The following UNC13B variants were observed in gnomAD, a reference collection of about 807,000 sequenced individuals.
The protein encoded by UNC13B is unc-13 homolog B.
Under a neutral mutation model 211.0 loss-of-function variants are expected in UNC13B, and 144 were observed. The ratio of observed to expected loss-of-function variants is 0.68; its 90% CI spans 0.60 to 0.78. The LOEUF (loss-of-function observed/expected upper bound fraction) is 0.78. UNC13B is among the 30% of genes least tolerant of loss of function. UNC13B has a pLI of 0.00. For synonymous variants in UNC13B, 709 were observed against 725.8 expected (o/e 0.98, Z 0.37); for missense variants, 1,777 against 2,002.0 (o/e 0.89, Z 2.14).
chr9:35,178,026 G>A (rs1330688571), intron 1 of UNC13B, among the ~76,000 whole-genome samples: 1 of 152,178 alleles, frequency 6.6e-6, no homozygotes, highest in Non-Finnish European at 1.5e-5. Flanking sequence ...CAGTCCACGT[G>A]TTAAGGTTGG....
intron 8 of UNC13B, among the ~76,000 whole-genome samples, chr9:35,296,284 A>G (rs1042152541): frequency 6.6e-6 from 1 of 152,236 alleles, no homozygotes; most frequent in Non-Finnish European, 1.5e-5. Context: ...CACAGATTGG[A>G]TAGTCCTTCT....
chr9:35,167,622 C>T (rs1045327876), intron 1 of UNC13B, among the ~76,000 whole-genome samples: 5 of 129,274 alleles, frequency 3.9e-5, no homozygotes, highest in African/African-American at 1.4e-4. Context: ...GAGTCTCACA[C>T]TGTTGCTCAG....
At chr9:35,222,662 A>G (rs1386731261) in intron 1 of UNC13B, among the ~76,000 whole-genome samples, 1 of 152,222 alleles carries the variant, frequency 6.6e-6, no homozygotes, top group Non-Finnish European at 1.5e-5. Flanking sequence ...AACCCAGGGT[A>G]TTTAGGATAT....
At chr9:35,207,687 C>T (rs558329369) in intron 1 of UNC13B, among the ~76,000 whole-genome samples, 46 of 151,976 alleles carry the variant, frequency 3.0e-4, no homozygotes, top group African/African-American at 1.0e-3. Flanking sequence ...AGATCCTTTG[C>T]CCATTTAAAA....
chr9:35,296,743 T>C (rs978180375), intron 8 of UNC13B, among the ~76,000 whole-genome samples: 1 of 152,250 alleles, frequency 6.6e-6, no homozygotes, highest in African/African-American at 2.4e-5. Context: ...TGTATTCATA[T>C]ACACATACAT....
intron 1 of UNC13B, among the ~76,000 whole-genome samples, chr9:35,220,845 A>G (rs1043452796): frequency 1.3e-5 from 2 of 152,168 alleles, no homozygotes; most frequent in Non-Finnish European, 2.9e-5. Context: ...ACTGTTCTCT[A>G]TAGTGACTCT....
intron 23 of UNC13B, 125 bp downstream of exon 23, chr9:35,385,938 G>A: frequency 7.1e-7 from 1 of 1,412,432 alleles, no homozygotes; most frequent in East Asian, 2.3e-5. Flanking sequence ...TTACATTTCT[G>A]TGTACCTGTT....
At chr9:35,315,416 C>T (rs1564131123) in intron 11 of UNC13B, among the ~76,000 whole-genome samples, 3 of 152,256 alleles carry the variant, frequency 2.0e-5, no homozygotes, top group African/African-American at 7.2e-5. Flanking sequence ...GTTGCAAAAA[C>T]AGTAAAGAAC....
At chr9:35,240,169 T>C (rs1182740131) in intron 5 of UNC13B, among the ~76,000 whole-genome samples, 1 of 152,232 alleles carries the variant, frequency 6.6e-6, no homozygotes, top group Non-Finnish European at 1.5e-5. Context: ...TAAATGTCCA[T>C]GAAATCTTCA....
At position 35,195,997 on chromosome 9, in the gene UNC13B, T is replaced by C. The variant is rs868169358; in HGVS notation, c.23-32018T>C. 7.2e-5 allele frequency among the ~76,000 whole-genome samples: 11 copies of C among 152,372 alleles called. 1 individual carries two copies. The South Asian group carries it at 1.4e-3, about 20-fold the overall frequency. ...ATACACATATACATGCATACATATA[T>C]ATACAGGGCAGTGGGATTATATACT... On this transcript the variant is annotated intron_variant, in intron 1 of 39. Coordinates refer to ENST00000635942, the MANE Select transcript of UNC13B (RefSeq NM_001371189.2).
intron 1 of UNC13B, among the ~76,000 whole-genome samples, chr9:35,200,355 T>C (rs1564063151): frequency 6.6e-6 from 1 of 152,212 alleles, no homozygotes; most frequent in Non-Finnish European, 1.5e-5. Flanking sequence ...TAAAGTAGTT[T>C]TTTCCAATTC....
At chr9:35,200,122 G>A (rs1220334254) in intron 1 of UNC13B, among the ~76,000 whole-genome samples, 1 of 152,080 alleles carries the variant, frequency 6.6e-6, no homozygotes, top group Non-Finnish European at 1.5e-5. Context: ...TCTTGTTTTT[G>A]TCAGGTTTGT....
chr9:35,307,537 T>C lies in UNC13B; in HGVS notation c.8133T>C (p.Ser2711=), dbSNP rs1444603436. 2.5e-6 allele frequency: 1 copy of C among 399,024 alleles called. No individual in the cohort carries two copies. Among genetic ancestry groups the C allele is most frequent in the Non-Finnish European group, 4.4e-6 (1 of 226,074 alleles). The allele number at this position is 399,024 out of a possible 1,614,324, so 24.7% of individuals were successfully genotyped here. The change falls in exon 9 of 40, where the codon AGT becomes AGC. Residue 2711 remains serine (S), a synonymous_variant. Transcript: ENST00000635942. ...ATACTATGCTGTTCAATGATGCAAG[T>C]GTGAGCCAGAGCACCACTCTGGAAA... ...ETDTMLFNDA[S]VSQSTTLETE...
intron 17 of UNC13B, among the ~76,000 whole-genome samples, chr9:35,378,956 T>A (rs61313478): frequency 0.034 from 5,188 of 152,272 alleles, 290 homozygotes; most frequent in African/African-American, 0.12. Flanking sequence ...CACTCACTCA[T>A]TTTTTTATTA....
At chr9:35,169,362 T>C (rs565803715) in intron 1 of UNC13B, among the ~76,000 whole-genome samples, 1 of 152,288 alleles carries the variant, frequency 6.6e-6, no homozygotes, top group African/African-American at 2.4e-5. Context: ...GTTCATGGCT[T>C]ATCATTAATC....
chr9:35,200,769 T>C (rs1388140948), intron 1 of UNC13B, among the ~76,000 whole-genome samples: 1 of 152,222 alleles, frequency 6.6e-6, no homozygotes, highest in Non-Finnish European at 1.5e-5. Context: ...TATACAATCA[T>C]GTCATTTGCA....
chr9:35,398,798 G>T, intron 32 of UNC13B, 84 bp from the exon 33 acceptor site: 1 of 1,577,364 alleles, frequency 6.3e-7, no homozygotes, highest in Non-Finnish European at 8.6e-7. Context: ...ATGAGCATAT[G>T]GGAATGGGAC....
chr9:35,171,915 A>C (rs1821353056), intron 1 of UNC13B, among the ~76,000 whole-genome samples: 1 of 152,246 alleles, frequency 6.6e-6, no homozygotes, highest in African/African-American at 2.4e-5. Context: ...GGAGTGATTT[A>C]GATTAAACAT....
intron 11 of UNC13B, chr9:35,353,866 T>C (rs758443238): frequency 7.1e-6 from 8 of 1,129,310 alleles, no homozygotes; most frequent in Non-Finnish European, 8.9e-6. Context: ...GACCTCCATC[T>C]GGCCAGCATG....
Sources: allele counts gnomAD v4.1 joint callset (sites outside exome capture counted in the v4.1 genomes callset), GRCh38; gene constraint gnomAD v4.1.1; transcripts MANE v1.5; gene names NCBI Gene and HGNC (gene_info 2026-07-23, HGNC 2026-07-21).